The following RAF1 variants were observed in gnomAD, a reference collection of about 807,000 sequenced individuals.
The protein encoded by RAF1 is Raf-1 proto-oncogene, serine/threonine kinase, also known as RAF proto-oncogene serine/threonine-protein kinase.
In RAF1, 27 loss-of-function variants were observed where a neutral mutation model predicts 81.1. That is an observed-to-expected ratio of 0.33 (90% CI 0.25 to 0.46). The LOEUF is 0.46. Among genes scored for constraint, RAF1 ranks in the 20% least tolerant of loss-of-function variants. The pLI, the probability that RAF1 is intolerant of heterozygous loss-of-function variation, is 1.00. For missense variants in RAF1, 598 were observed against 826.0 expected, an observed-to-expected ratio of 0.72 and a Z score of 3.38; for synonymous variants, 298 against 294.0, an observed-to-expected ratio of 1.01 and a Z score of -0.14.
At chr3:12,591,033 G>A (rs1203036520) in intron 12 of RAF1, 59 bp from the exon 12 acceptor site, 7 of 1,473,816 alleles carry the variant, frequency 4.7e-6, no homozygotes, top group Non-Finnish European at 5.6e-6. Context: ...GAGGTCTACT[G>A]TGCTTTCCCG....
intron 2 of RAF1, among the ~76,000 whole-genome samples, chr3:12,613,602 C>G (rs1056104122): frequency 6.6e-6 from 1 of 152,106 alleles, no homozygotes; most frequent in Admixed American, 6.6e-5. Context: ...TGGTTTACAA[C>G]AGAAAAAAGT....
intron 13 of RAF1, chr3:12,588,529 A>G (rs554524500): frequency 6.6e-6 from 1 of 152,358 alleles, no homozygotes; most frequent in Admixed American, 6.5e-5. Flanking sequence ...GCTGGTTGTA[A>G]CATGGTGAGT....
intron 2 of RAF1, 88 bp from the exon 3 acceptor site, chr3:12,612,150 T>C (rs947526919): frequency 9.9e-7 from 1 of 1,006,256 alleles, no homozygotes; most frequent in Non-Finnish European, 1.6e-6. Context: ...CCAGTCTGTA[T>C]TGCTTGTGAT....
chr3:12,649,997 T>A (rs1186101628), intron 1 of RAF1, among the ~76,000 whole-genome samples: 1 of 151,250 alleles, frequency 6.6e-6, no homozygotes, highest in Non-Finnish European at 1.5e-5. Flanking sequence ...ATACAAAAAA[T>A]TAGCCAGGTG....
intron 1 of RAF1, among the ~76,000 whole-genome samples, chr3:12,659,743 C>G (rs1473664454): frequency 6.6e-6 from 1 of 152,064 alleles, no homozygotes; most frequent in Non-Finnish European, 1.5e-5. Flanking sequence ...TTCATAAACC[C>G]CCTCACTGTC....
chr3:12,663,509 G>A (rs1347197844), intron 1 of RAF1, among the ~76,000 whole-genome samples: 1 of 151,670 alleles, frequency 6.6e-6, no homozygotes, highest in Non-Finnish European at 1.5e-5. Flanking sequence ...GGGCAGCTCT[G>A]GGCGGATTTT....
chr3:12,591,853 T>C, intron 11 of RAF1, 61 bp from the exon 11 acceptor site: 1 of 1,239,020 alleles, frequency 8.1e-7, no homozygotes, highest in Non-Finnish European at 1.2e-6. Flanking sequence ...TCAAATAACC[T>C]AGTTTTGAGG....
In RAF1 at chr3:12,626,577, C is replaced by T. The variant is rs2059708878; in HGVS notation, c.-26-7830G>A. On this transcript the variant is annotated intron_variant, in intron 1 of 17. Coordinates refer to ENST00000442415, the MANE Select transcript of RAF1 (RefSeq NM_001354689.3). ...CTGCACTCCAGCCAAAGCGACAGAC[C>T]GAGACCTTGTCTAAAAAAAAAAAAG... Among the ~76,000 whole-genome samples, 3 of 142,014 alleles carry T rather than the reference C, an allele frequency of 2.1e-5. No individual in the cohort carries two copies. The Admixed American group carries it at 2.3e-4, about 11-fold the overall frequency. 93.2% of individuals were successfully genotyped at this position (142,014 alleles called of 152,430 possible). A position where few individuals can be genotyped will look rare whatever the true frequency, so the allele number is the denominator to read the frequency against.
chr3:12,658,683 C>T (rs1028319361), intron 1 of RAF1, among the ~76,000 whole-genome samples: 6 of 152,158 alleles, frequency 3.9e-5, no homozygotes, highest in African/African-American at 1.4e-4. Context: ...ATGTAAACAA[C>T]CTCTAAATCA....
chr3:12,650,019 G>A (rs940235248), intron 1 of RAF1, among the ~76,000 whole-genome samples: 4 of 151,648 alleles, frequency 2.6e-5, no homozygotes, highest in Admixed American at 2.0e-4. Context: ...GGTGATGGGC[G>A]CCTGTAATCC....
intron 6 of RAF1, among the ~76,000 whole-genome samples, chr3:12,604,541 G>A (rs1213982246): frequency 1.3e-5 from 2 of 152,092 alleles, no homozygotes; most frequent in Admixed American, 6.6e-5. Flanking sequence ...TGCATTATAA[G>A]TTTTCTTTTT....
At chr3:12,598,894 T>C (rs1403897468) in intron 11 of RAF1, among the ~76,000 whole-genome samples, 3 of 152,152 alleles carry the variant, frequency 2.0e-5, no homozygotes, top group Non-Finnish European at 2.9e-5. Flanking sequence ...CAAAGTAGTA[T>C]AGGCACCAAG....
intron 16 of RAF1, 47 bp downstream of exon 15, chr3:12,585,075 C>T (rs770026974): frequency 8.7e-6 from 14 of 1,613,894 alleles, no homozygotes; most frequent in Non-Finnish European, 1.2e-5. Context: ...TGGCGGAGGC[C>T]CAGGGGCTCC....
At chr3:12,636,497 A>G (rs1208791198) in intron 1 of RAF1, among the ~76,000 whole-genome samples, 1 of 109,748 alleles carries the variant, frequency 9.1e-6, no homozygotes, top group Non-Finnish European at 1.9e-5. Context: ...TGGTTGCTCA[A>G]AAAAAAAAAG....
At chr3:12,650,410 C>G (rs140006716) in intron 1 of RAF1, among the ~76,000 whole-genome samples, 8 of 152,208 alleles carry the variant, frequency 5.3e-5, no homozygotes, top group East Asian at 3.9e-4. Context: ...AATCCATCAT[C>G]CAGTATAGGA....
chr3:12,604,365 CTAAG>C, intron 6 of RAF1, 76 bp from the exon 7 acceptor site: 3 of 1,499,328 alleles, frequency 2.0e-6, no homozygotes, highest in Non-Finnish European at 2.7e-6. Flanking sequence ...ACATATTTGA[CTAAG>C]TAAGATGCTT....
At chr3:12,631,952 CT>C (rs1324327084) in intron 1 of RAF1, among the ~76,000 whole-genome samples, 1 of 152,158 alleles carries the variant, frequency 6.6e-6, no homozygotes, top group African/African-American at 2.4e-5. Context: ...TACCCATGTA[CT>C]TTTACACAAT....
intron 7 of RAF1, chr3:12,603,568 A>G (rs897879625): frequency 5.8e-6 from 4 of 692,698 alleles, no homozygotes; most frequent in African/African-American, 5.3e-5. Context: ...ATAAAGAAGA[A>G]TAAAGAACAA....
At chr3:12,616,649 A>C (rs1474329205) in intron 2 of RAF1, among the ~76,000 whole-genome samples, 1 of 152,212 alleles carries the variant, frequency 6.6e-6, no homozygotes, top group Non-Finnish European at 1.5e-5. Flanking sequence ...AAAAAAGTAT[A>C]AACAATTTAT....
Sources: gnomAD v4.1 joint callset for allele counts (sites outside exome capture counted in the v4.1 genomes callset) on GRCh38, gnomAD v4.1.1 for gene constraint, MANE v1.5 for transcripts, NCBI Gene and HGNC (gene_info 2026-07-23, HGNC 2026-07-21) for gene names.